Variants in SV2C observed in about 807,000 individuals in gnomAD.
The protein encoded by SV2C is solute carrier family 22 member B3.
In SV2C, 49 loss-of-function variants were observed where a neutral mutation model predicts 79.7. The observed-to-expected ratio is 0.61, with a 90% confidence interval of 0.49 to 0.78. The LOEUF (loss-of-function observed/expected upper bound fraction) is 0.78, where lower values mean the gene tolerates loss of function less well. Ranked by LOEUF, SV2C falls within the 30% of genes least tolerant of loss-of-function variation. SV2C has a pLI of 0.00. For missense variants in SV2C, 833 were observed against 912.9 expected, an observed-to-expected ratio of 0.91 and a Z score of 1.13; for synonymous variants, 334 against 333.2, an observed-to-expected ratio of 1.00 and a Z score of -0.03.
chr5:75,854,988 T>C, the SV2C span, among the ~76,000 whole-genome samples: 1 of 152,204 alleles, frequency 6.6e-6, no homozygotes, highest in East Asian at 1.9e-4. Flanking sequence ...TCTATATGTC[T>C]ATGCTTAAAC....
chr5:76,049,023 GAA>G, the SV2C span, among the ~76,000 whole-genome samples: 1 of 82,582 alleles, frequency 1.2e-5, no homozygotes, highest in East Asian at 7.6e-4. Context: ...AAGAAAGAAA[GAA>G]AAAGAAAAGA....
At chr5:75,890,347 C>T in the SV2C span, among the ~76,000 whole-genome samples, 2 of 152,040 alleles carry the variant, frequency 1.3e-5, no homozygotes, top group African/African-American at 2.4e-5. Flanking sequence ...TTATAGTCTA[C>T]AGGATAGTGT....
At chr5:76,087,175 A>G (rs2077643201) in intron 1 of SV2C, among the ~76,000 whole-genome samples, 2 of 152,242 alleles carry the variant, frequency 1.3e-5, no homozygotes, top group South Asian at 2.1e-4. Context: ...GTATTATGCC[A>G]TTAGATGTAT....
At chr5:76,164,526 C>T (rs1257598126) in intron 2 of SV2C, among the ~76,000 whole-genome samples, 5 of 152,200 alleles carry the variant, frequency 3.3e-5, no homozygotes, top group Non-Finnish European at 1.5e-5. Context: ...TATATGCCCA[C>T]AGTTTGAGTT....
rs143720089 is a variant in SV2C, at chr5:76,294,463, G to A, written c.1338-1315G>A. ...ACTACAGGCGTGCACCACCATGCCC[G>A]GCTAATTTTTGTATTTTTAGTAGAG... is the stretch of plus-strand genomic sequence containing the variant. On this transcript the variant is annotated intron_variant, in intron 8 of 12. Transcript: ENST00000502798. Among the ~76,000 whole-genome samples, 501 of 151,924 alleles carry A rather than the reference G, an allele frequency of 3.3e-3. 5 individuals are homozygous for A. The highest frequency in any genetic ancestry group is 0.011 in the African/African-American group (470 of 41,452).
chr5:76,294,966 A>C (rs1747695561), intron 8 of SV2C, among the ~76,000 whole-genome samples: 1 of 152,110 alleles, frequency 6.6e-6, no homozygotes, highest in South Asian at 2.1e-4. Flanking sequence ...AAAAGAGGTC[A>C]TTCTTTAGGG....
chr5:76,085,780 A>T (rs1157416409), intron 1 of SV2C, among the ~76,000 whole-genome samples: 1 of 151,356 alleles, frequency 6.6e-6, no homozygotes, highest in African/African-American at 2.4e-5. Flanking sequence ...TTGGCTTTGG[A>T]AATACAAATT....
At chr5:76,008,278 G>C in the SV2C span, among the ~76,000 whole-genome samples, 1 of 152,120 alleles carries the variant, frequency 6.6e-6, no homozygotes, top group Admixed American at 6.5e-5. Context: ...TCTCAGCAGG[G>C]GAGCCTGTGA....
intron 12 of SV2C, among the ~76,000 whole-genome samples, chr5:76,342,877 T>C (rs970798054): frequency 8.5e-5 from 12 of 140,536 alleles, no homozygotes; most frequent in Admixed American, 3.9e-4. Context: ...ACATTGTCTC[T>C]CTCTCTCTCT....
intron 2 of SV2C, among the ~76,000 whole-genome samples, chr5:76,169,411 G>A (rs1460256210): frequency 6.6e-6 from 1 of 152,200 alleles, no homozygotes; most frequent in African/African-American, 2.4e-5. Context: ...GTTGTAGGGG[G>A]CAGGGTGGTG....
the SV2C span, among the ~76,000 whole-genome samples, chr5:76,045,240 T>C: frequency 2.6e-5 from 4 of 152,306 alleles, no homozygotes; most frequent in African/African-American, 9.6e-5. Context: ...TAGTCTTATT[T>C]CTGAGATCCC....
At chr5:75,925,202 C>T in the SV2C span, among the ~76,000 whole-genome samples, 585 of 152,274 alleles carry the variant, frequency 3.8e-3, 4 homozygotes, top group African/African-American at 0.014. Flanking sequence ...CTCACCAGCA[C>T]GTCTGTTCCC....
At chr5:76,284,795 C>G (rs1002035088) in intron 4 of SV2C, among the ~76,000 whole-genome samples, 10 of 152,208 alleles carry the variant, frequency 6.6e-5, no homozygotes, top group African/African-American at 2.4e-4. Flanking sequence ...GAGGGCCATT[C>G]CCTAGCACAC....
chr5:76,230,800 A>G (rs1745392255), intron 4 of SV2C, among the ~76,000 whole-genome samples: 1 of 136,138 alleles, frequency 7.3e-6, no homozygotes, highest in South Asian at 2.2e-4. Flanking sequence ...GAAGAAAAAA[A>G]AAGAAAAGAA....
chr5:76,088,773 C>T (rs1747281564), intron 1 of SV2C, among the ~76,000 whole-genome samples: 1 of 151,492 alleles, frequency 6.6e-6, no homozygotes, highest in Admixed American at 6.6e-5. Flanking sequence ...TTATGAAGCT[C>T]ACTAATTTTA....
intron 4 of SV2C, among the ~76,000 whole-genome samples, chr5:76,222,040 A>T (rs1277216519): frequency 3.9e-5 from 6 of 152,362 alleles, no homozygotes; most frequent in African/African-American, 1.2e-4. Flanking sequence ...GCTGGAAAGG[A>T]TACAGAGAAA....
At chr5:76,066,003 A>C in the SV2C span, among the ~76,000 whole-genome samples, 2 of 152,252 alleles carry the variant, frequency 1.3e-5, no homozygotes, top group Admixed American at 1.3e-4. Context: ...CACCAGTTTA[A>C]ACCACTTTCA....
Position 76,194,501 on chromosome 5 carries a change from T to C in SV2C, c.581-418T>C, listed in dbSNP as rs186281422. Among the ~76,000 whole-genome samples the C allele has an allele frequency of 1.8e-4, 28 of 152,290 alleles. No individual in the cohort carries two copies. In the East Asian group the frequency reaches 5.4e-3, roughly 29 times the overall value. ...GGTCTCATGACAGGAGGAATCTCCA[T>C]TGAGAAGGATGATCTGTCCATAGTC... On this transcript the variant is annotated intron_variant, in intron 2 of 12. Coordinates refer to ENST00000502798, the MANE Select transcript of SV2C (RefSeq NM_014979.4).
chr5:75,958,107 A>G, the SV2C span, among the ~76,000 whole-genome samples: 9 of 151,992 alleles, frequency 5.9e-5, no homozygotes, highest in Non-Finnish European at 1.3e-4. Flanking sequence ...GGAAAGCCTC[A>G]ATAGAGTTTT....
Sources: allele counts gnomAD v4.1 joint callset (sites outside exome capture counted in the v4.1 genomes callset), GRCh38; gene constraint gnomAD v4.1.1; transcripts MANE v1.5; gene names NCBI Gene and HGNC (gene_info 2026-07-23, HGNC 2026-07-21).